The following LRRC9 variants were observed in gnomAD, a reference collection of about 807,000 sequenced individuals.
LRRC9 encodes the protein leucine-rich repeat-containing protein 9.
Under a neutral mutation model 63.2 loss-of-function variants are expected in LRRC9, and 122 were observed. That is an observed-to-expected ratio of 1.93 (90% CI 1.67 to 2.24). The LOEUF (loss-of-function observed/expected upper bound fraction) is 2.24. Among genes scored for constraint, LRRC9 ranks in the 30% most tolerant of loss-of-function variants. LRRC9 has a pLI of 0.00. For synonymous variants in LRRC9, 366 were observed against 213.1 expected (o/e 1.72, Z -6.25); for missense variants, 1,071 against 627.7 (o/e 1.71, Z -7.55).
chr14:60,053,273 C>T lies in LRRC9; in HGVS notation c.4131+68C>T. 1 of 642,398 alleles carries T rather than the reference C, an allele frequency of 1.6e-6. No individual in the cohort carries two copies. Among genetic ancestry groups the T allele is most frequent in the Non-Finnish European group, 2.8e-6 (1 of 355,436 alleles). 39.8% of individuals were successfully genotyped at this position (642,398 alleles called of 1,614,324 possible). A position where few individuals can be genotyped will look rare whatever the true frequency, so the allele number is the denominator to read the frequency against. ...AATGGTTAGTAAATGAACATTATAT[C>T]TTTTGATTTAAATGTTTAAACCTAT... is the stretch of plus-strand genomic sequence containing the variant. On this transcript the variant is annotated intron_variant, in intron 30 of 31. Transcript: ENST00000445360. The surrounding 1 kb of genome is among the most constrained non-coding windows in gnomAD (Gnocchi z 4.8).
In LRRC9 at chr14:59,932,479, C is replaced by T. The variant is rs1889783218; in HGVS notation, c.543+440C>T. 6.6e-6 allele frequency among the ~76,000 whole-genome samples: 1 copy of T among 152,092 alleles called. No individual in the cohort carries two copies. The highest frequency in any genetic ancestry group is 1.5e-5 in the Non-Finnish European group (1 of 67,974). ...ACCTTTACTTTCCTTAACAACTCTC[C>T]AGAACTGTACACATATCTTAATGCA... On this transcript the variant is annotated intron_variant, in intron 6 of 31. Transcript: ENST00000445360. This position sits in a 1 kb window ranked among gnomAD's most constrained non-coding sequence, Gnocchi z 4.7.
chr14:60,033,741 C>T (rs1892183097), intron 29 of LRRC9, among the ~76,000 whole-genome samples: 1 of 151,976 alleles, frequency 6.6e-6, no homozygotes, highest in African/African-American at 2.4e-5. Context: ...TTCTTTTCAA[C>T]TCTCTCAAAG....
At chr14:60,007,120 C>T (rs1889872322) in intron 22 of LRRC9, among the ~76,000 whole-genome samples, 1 of 152,278 alleles carries the variant, frequency 6.6e-6, no homozygotes, top group Non-Finnish European at 1.5e-5. Context: ...GCTCAGTGGC[C>T]ATTTTCTAAC....
chr14:59,994,007 T>C (rs1427278700), intron 17 of LRRC9, among the ~76,000 whole-genome samples: 1 of 152,154 alleles, frequency 6.6e-6, no homozygotes, highest in Non-Finnish European at 1.5e-5. Flanking sequence ...CAACAGAATA[T>C]ACATTCTTCT....
At chr14:59,944,921 C>T (rs185551781) in intron 8 of LRRC9, among the ~76,000 whole-genome samples, 177 bp downstream of exon 8, 83 of 151,502 alleles carry the variant, frequency 5.5e-4, no homozygotes, top group African/African-American at 2.0e-3. Context: ...GTTAAGCTTG[C>T]CCCCAAAAAA....
chr14:60,019,934 A>G (rs1247423156), intron 26 of LRRC9, among the ~76,000 whole-genome samples: 1 of 151,742 alleles, frequency 6.6e-6, no homozygotes. Context: ...AGTTTTCCCA[A>G]TAAAGAACAT....
rs893593490 is a variant in LRRC9, at chr14:59,944,175, TTGAG to T, written c.727-412_727-409del. On this transcript the variant is annotated intron_variant, in intron 7 of 31. Coordinates refer to ENST00000445360, the Ensembl canonical transcript of LRRC9. ...CTTAGCCATGCTTTTAAAAAACGAA[TTGAG>T]TAATGTTGTATTTGCTTTTAATTCT... Among the ~76,000 whole-genome samples the T allele has an allele frequency of 3.9e-4, 60 of 152,052 alleles. 1 individual carries two copies. The highest frequency in any genetic ancestry group is 1.3e-3 in the African/African-American group (54 of 41,548).
At chr14:59,977,490 T>C (rs757692926) in intron 14 of LRRC9, 143 bp downstream of exon 14, 8 of 568,698 alleles carry the variant, frequency 1.4e-5, no homozygotes, top group Non-Finnish European at 2.5e-5. Context: ...CACTAATAAT[T>C]TTTATATTCC....
chr14:59,995,163 A>G (rs559218808), intron 17 of LRRC9, among the ~76,000 whole-genome samples: 123 of 152,326 alleles, frequency 8.1e-4, no homozygotes, highest in Middle Eastern at 6.8e-3. Context: ...AGTTGTATGG[A>G]ATTTTTCAAA....
At chr14:60,038,217 T>C (rs1248101651) in intron 29 of LRRC9, among the ~76,000 whole-genome samples, 1 of 152,196 alleles carries the variant, frequency 6.6e-6, no homozygotes, top group Non-Finnish European at 1.5e-5. Flanking sequence ...CCAGCTTTGT[T>C]CTTTTGGCTT....
chr14:60,064,586 A>G (rs918333927), downstream of LRRC9, among the ~76,000 whole-genome samples: 5 of 152,142 alleles, frequency 3.3e-5, no homozygotes, highest in African/African-American at 1.2e-4. Context: ...TTACAGATTG[A>G]TTTTGCTCTT....
intron 29 of LRRC9, among the ~76,000 whole-genome samples, chr14:60,037,596 C>T (rs999001541): frequency 6.6e-6 from 1 of 152,114 alleles, no homozygotes; most frequent in Non-Finnish European, 1.5e-5. Flanking sequence ...ATCCTTTGCC[C>T]ACTTTTTGAT....
Position 60,060,252 on chromosome 14 carries a change from C to T in LRRC9, c.4276+2230C>T, listed in dbSNP as rs1894568971. On this transcript the variant is annotated intron_variant, in intron 31 of 31. Transcript: ENST00000445360. This position sits in a 1 kb window ranked among gnomAD's most constrained non-coding sequence, Gnocchi z 4.0. ...ACTGTTGAGACCCAGTGCTGAGAAACAGATTGCTTTCCAAAGACTACTGCT... is the reference window on the plus strand; with the variant it reads ...ACTGTTGAGACCCAGTGCTGAGAAATAGATTGCTTTCCAAAGACTACTGCT... 6.6e-6 allele frequency among the ~76,000 whole-genome samples: 1 copy of T among 152,178 alleles called. No homozygotes were observed. The highest frequency in any genetic ancestry group is 6.5e-5 in the Admixed American group (1 of 15,282).
chr14:59,987,967 G>A (rs1887660069), intron 17 of LRRC9, among the ~76,000 whole-genome samples: 1 of 152,148 alleles, frequency 6.6e-6, no homozygotes, highest in South Asian at 2.1e-4. Context: ...AGCAACTCTT[G>A]TTTTAATAAC....
At chr14:60,044,558 AGGATC>A in intron 29 of LRRC9, among the ~76,000 whole-genome samples, 1 of 152,168 alleles carries the variant, frequency 6.6e-6, no homozygotes, top group South Asian at 2.1e-4. Context: ...CTGGTCATTC[AGGATC>A]ATGTTGTTTA....
At chr14:60,010,183 C>T (rs999831100) in intron 23 of LRRC9, among the ~76,000 whole-genome samples, 3 of 152,204 alleles carry the variant, frequency 2.0e-5, no homozygotes, top group African/African-American at 4.8e-5. Flanking sequence ...CTTTTTGGCA[C>T]TGCCCTAGCA....
chr14:60,035,794 T>A (rs905871545), intron 29 of LRRC9, among the ~76,000 whole-genome samples: 1 of 152,220 alleles, frequency 6.6e-6, no homozygotes, highest in Non-Finnish European at 1.5e-5. Flanking sequence ...AGCTTTGTTC[T>A]TTTTGCTCAG....
At chr14:59,989,563 T>C (rs1887834417) in intron 17 of LRRC9, among the ~76,000 whole-genome samples, 1 of 152,192 alleles carries the variant, frequency 6.6e-6, no homozygotes, top group Non-Finnish European at 1.5e-5. Flanking sequence ...TGTTATTTTA[T>C]GTCTCATATC....
chr14:59,937,237 C>G (rs563450162), intron 6 of LRRC9, among the ~76,000 whole-genome samples: 2 of 144,256 alleles, frequency 1.4e-5, no homozygotes, highest in African/African-American at 5.1e-5. Flanking sequence ...GAAAATCTTT[C>G]AGGCTTTGTG....
Sources: gnomAD v4.1 joint callset for allele counts (sites outside exome capture counted in the v4.1 genomes callset) on GRCh38, gnomAD v4.1.1 for gene constraint, Gnocchi (gnomAD v3.1) non-coding constraint, MANE v1.5 for transcripts, NCBI Gene and HGNC (gene_info 2026-07-23, HGNC 2026-07-21) for gene names.